The following RIPOR2 variants were observed in gnomAD, a reference collection of about 807,000 sequenced individuals.
RIPOR2 encodes the protein rho family-interacting cell polarization regulator 2.
In RIPOR2, 39 loss-of-function variants were observed where a neutral mutation model predicts 114.5. That is an observed-to-expected ratio of 0.34 (90% CI 0.26 to 0.44). The LOEUF (loss-of-function observed/expected upper bound fraction) is 0.44. Among genes scored for constraint, RIPOR2 ranks in the 20% least tolerant of loss-of-function variants. The pLI is 1.00. For synonymous variants in RIPOR2, 445 were observed against 484.4 expected (o/e 0.92, Z 1.07); for missense variants, 1,007 against 1,255.1 (o/e 0.80, Z 2.99).
intron 1 of RIPOR2, among the ~76,000 whole-genome samples, chr6:24,907,229 C>T (rs533968775): frequency 3.1e-4 from 47 of 152,280 alleles, no homozygotes; most frequent in African/African-American, 1.1e-3. Context: ...ACCTCATTTG[C>T]TTTCACTGTT....
At chr6:24,914,750 C>T (rs1769936694) in intron 1 of RIPOR2, among the ~76,000 whole-genome samples, 1 of 152,182 alleles carries the variant, frequency 6.6e-6, no homozygotes, top group African/African-American at 2.4e-5. Context: ...CTAGTAAATA[C>T]ACAATTCATC....
intron 1 of RIPOR2, among the ~76,000 whole-genome samples, chr6:24,881,873 A>G (rs569113808): frequency 8.9e-4 from 135 of 152,324 alleles, no homozygotes; most frequent in Non-Finnish European, 1.6e-3. Context: ...AGATAAAAAG[A>G]GAACAAGGGA....
chr6:24,869,946 A>C (rs1764995238), intron 5 of RIPOR2, among the ~76,000 whole-genome samples: 1 of 152,174 alleles, frequency 6.6e-6, no homozygotes, highest in African/African-American at 2.4e-5. Context: ...TTATTATTAT[A>C]TGCATTTATT....
chr6:24,967,911 T>C (rs1037526844), intron 1 of RIPOR2, among the ~76,000 whole-genome samples: 4,433 of 21,454 alleles, frequency 0.21, 223 homozygotes, highest in African/African-American at 0.34. Flanking sequence ...ATCTCAATCT[T>C]TTTTTTTTTT....
intron 1 of RIPOR2, among the ~76,000 whole-genome samples, chr6:25,029,615 C>G (rs1416435713): frequency 6.6e-6 from 1 of 151,810 alleles, no homozygotes; most frequent in Non-Finnish European, 1.5e-5. Flanking sequence ...CCCTCCGTGC[C>G]CCACATCACT....
intron 1 of RIPOR2, among the ~76,000 whole-genome samples, chr6:24,905,167 A>G (rs1468751177): frequency 6.6e-6 from 1 of 152,168 alleles, no homozygotes; most frequent in Non-Finnish European, 1.5e-5. Context: ...AGCTCAACCT[A>G]GAGTGTGTTT....
intron 19 of RIPOR2, among the ~76,000 whole-genome samples, chr6:24,821,219 G>A (rs1354901290): frequency 7.8e-6 from 1 of 127,794 alleles, no homozygotes; most frequent in African/African-American, 3.0e-5. Flanking sequence ...TGTTGCTCTT[G>A]TTGCCCAGGC....
chr6:24,977,131 T>C (rs565886043), intron 1 of RIPOR2: 129 of 667,852 alleles, frequency 1.9e-4, no homozygotes, highest in Middle Eastern at 4.1e-4. Context: ...TTCCCTCCCA[T>C]GCCTAGCTGG....
intron 1 of RIPOR2, among the ~76,000 whole-genome samples, chr6:25,006,262 T>C (rs1218647272): frequency 2.0e-5 from 3 of 152,256 alleles, no homozygotes; most frequent in Non-Finnish European, 4.4e-5. Flanking sequence ...TATTCATTTG[T>C]TCAATAAACA....
At chr6:24,943,382 C>A (rs1220483204) in intron 1 of RIPOR2, among the ~76,000 whole-genome samples, 1 of 152,060 alleles carries the variant, frequency 6.6e-6, no homozygotes, top group African/African-American at 2.4e-5. Flanking sequence ...AGGAGATACA[C>A]CTAATGTTAA....
Position 24,865,252 on chromosome 6 carries a change from C to T in RIPOR2, c.651+49G>A, listed in dbSNP as rs772385813. ...GTTCTTGGCAATTACCAACAATTCACACCAGGCCAGATGGGATTCGGCAAC... is the reference window on the plus strand; with the variant it reads ...GTTCTTGGCAATTACCAACAATTCATACCAGGCCAGATGGGATTCGGCAAC... On this transcript the variant is annotated intron_variant, in intron 7 of 21. Transcript: ENST00000643898. 5 of 1,513,620 alleles carry T rather than the reference C, an allele frequency of 3.3e-6. No homozygotes were observed. In the East Asian group the frequency reaches 9.7e-5, roughly 29 times the overall value. 93.8% of individuals were successfully genotyped at this position (1,513,620 alleles called of 1,614,324 possible).
chr6:25,005,107 G>A (rs1775494283), intron 1 of RIPOR2, among the ~76,000 whole-genome samples: 1 of 151,914 alleles, frequency 6.6e-6, no homozygotes, highest in Non-Finnish European at 1.5e-5. Flanking sequence ...TTAAGCTACA[G>A]CTGATAGCTT....
intron 5 of RIPOR2, 24 bp downstream of exon 5, chr6:24,870,842 C>T (rs1290457523): frequency 1.9e-6 from 3 of 1,594,410 alleles, no homozygotes; most frequent in Admixed American, 1.7e-5. Flanking sequence ...CTTATTAGCA[C>T]CCCAACACGG....
rs1306001408 is a variant in RIPOR2 at position 24,828,206 on chromosome 6, A to G, written c.2596T>C (p.Tyr866His). The G allele has an allele frequency of 6.4e-7, 1 of 1,551,270 alleles. No individual in the cohort carries two copies. Among genetic ancestry groups the G allele is most frequent in the African/African-American group, 1.4e-5 (1 of 73,030 alleles). ...LSSEVVTVFQ[Y>H]YSYFTSHGVS... Reference sequence around the variant, plus strand: ...CCGTGGCTGGTGAAGTAACTGTAATACTGGAAAACAGTGACGACTTCCGAG... The same window carrying G: ...CCGTGGCTGGTGAAGTAACTGTAATGCTGGAAAACAGTGACGACTTCCGAG... The change falls in exon 18 of 22, where the codon TAT becomes CAT. Residue 866 changes from tyrosine to histidine, a missense_variant. Coordinates refer to ENST00000643898, the MANE Select transcript of RIPOR2 (RefSeq NM_001286445.3).
intron 15 of RIPOR2, among the ~76,000 whole-genome samples, chr6:24,834,686 C>T (rs1468253953): frequency 6.6e-6 from 1 of 152,050 alleles, no homozygotes; most frequent in African/African-American, 2.4e-5. Context: ...CGCAGTGGTG[C>T]CATCACAGCT....
chr6:24,911,452 G>GA lies in RIPOR2; in HGVS notation c.61+24385dup, dbSNP rs747649019. Among the ~76,000 whole-genome samples the GA allele has an allele frequency of 2.6e-5, 4 of 151,730 alleles. No individual in the cohort carries two copies. The East Asian group carries it at 7.8e-4, about 29-fold the overall frequency. ...TTTCATACAAGCTGGGCTGTGCATT[G>GA]AAAAAAATGAGGCGGTGGTGTATGG... On this transcript the variant is annotated intron_variant, in intron 1 of 21. Transcript: ENST00000643898.
At chr6:24,844,603 T>A (rs1762070637) in intron 12 of RIPOR2, among the ~76,000 whole-genome samples, 1 of 151,994 alleles carries the variant, frequency 6.6e-6, no homozygotes, top group East Asian at 1.9e-4. Context: ...CCCAAGTAGC[T>A]AGGATTACAG....
At chr6:24,975,465 A>G (rs187502596) in intron 1 of RIPOR2, among the ~76,000 whole-genome samples, 101 of 152,336 alleles carry the variant, frequency 6.6e-4, no homozygotes, top group Admixed American at 2.8e-3. Flanking sequence ...ACATTGATTA[A>G]AGGGTACAAA....
At chr6:25,006,163 G>A (rs1775556371) in intron 1 of RIPOR2, among the ~76,000 whole-genome samples, 2 of 152,132 alleles carry the variant, frequency 1.3e-5, no homozygotes, top group Non-Finnish European at 2.9e-5. Flanking sequence ...CATGTATACA[G>A]TTTTTCTTTC....
Sources: gnomAD v4.1 joint callset for allele counts (sites outside exome capture counted in the v4.1 genomes callset) on GRCh38, gnomAD v4.1.1 for gene constraint, MANE v1.5 for transcripts, NCBI Gene and HGNC (gene_info 2026-07-23, HGNC 2026-07-21) for gene names.